VPS13A: variants seen among roughly 807,000 people sequenced by gnomAD.
VPS13A encodes the protein intermembrane lipid transfer protein VPS13A.
Under a neutral mutation model 390.9 loss-of-function variants are expected in VPS13A, and 264 were observed. The ratio of observed to expected loss-of-function variants is 0.68; its 90% CI spans 0.61 to 0.75. The LOEUF (loss-of-function observed/expected upper bound fraction) is 0.75, where lower values mean the gene tolerates loss of function less well. Among genes scored for constraint, VPS13A ranks in the 30% least tolerant of loss-of-function variants. The pLI, the probability that VPS13A is intolerant of heterozygous loss-of-function variation, is 0.00. For synonymous variants in VPS13A, 1,231 were observed against 1,227.1 expected, an observed-to-expected ratio of 1.00 and a Z score of -0.07; for missense variants, 3,409 against 3,733.9, an observed-to-expected ratio of 0.91 and a Z score of 2.27.
intron 68 of VPS13A, among the ~76,000 whole-genome samples, chr9:77,393,587 A>G (rs1323103101): frequency 6.6e-6 from 1 of 152,240 alleles, no homozygotes; most frequent in Non-Finnish European, 1.5e-5. Context: ...GGGCTGTAGA[A>G]TGGATGGTTG....
intron 1 of VPS13A, among the ~76,000 whole-genome samples, chr9:77,184,541 C>T (rs1824214258): frequency 6.6e-6 from 1 of 152,164 alleles, no homozygotes; most frequent in African/African-American, 2.4e-5. Context: ...ATCGCTTGAA[C>T]ATGGGAGGCG....
At chr9:77,370,856 G>T (rs531379174) in intron 65 of VPS13A, 34 bp from the exon 66 acceptor site, 1 of 1,611,918 alleles carries the variant, frequency 6.2e-7, no homozygotes, top group Non-Finnish European at 8.5e-7. Flanking sequence ...TCATAAAAAA[G>T]TATTGTAAAT....
rs1467345597 is a variant in VPS13A, at chr9:77,351,245, T to C, written c.7290-72T>C. The C allele has an allele frequency of 4.5e-6, 7 of 1,568,332 alleles. No individual in the cohort carries two copies. In the East Asian group the frequency reaches 9.2e-5, roughly 21 times the overall value. On this transcript the variant is annotated intron_variant, in intron 52 of 71. Transcript: ENST00000360280. ...CAGTGAACTAAGAATTAATGAAGTA[T>C]TATTTTAGTTTTTTTTTAATCTCTT...
Position 77,337,469 on chromosome 9 carries a change from A to C in VPS13A, c.6310A>C (p.Ile2104Leu), listed in dbSNP as rs745856036. 1 of 1,613,726 alleles carries C rather than the reference A, an allele frequency of 6.2e-7. No homozygotes were observed. The highest frequency in any genetic ancestry group is 1.3e-5 in the African/African-American group (1 of 75,048). ...YSEDGWDLPY[I>L]MHLWPPILLR... ...AGAAGATGGTTGGGATTTACCATAC[A>C]TAATGCATTTGTGGCCACCTATCCT... The change falls in exon 47 of 72, where the codon ATA becomes CTA. Residue 2104 changes from isoleucine (I) to leucine (L), a missense_variant. By Grantham distance (5) the Ile-to-Leu change is conservative. Around this residue, in one of 5 missense-constraint regions of VPS13A, gnomAD observed 2,717 missense variants for 2,917.4 expected, o/e 0.93. Coordinates refer to ENST00000360280, the MANE Select transcript of VPS13A (RefSeq NM_033305.3).
intron 23 of VPS13A, among the ~76,000 whole-genome samples, chr9:77,270,010 A>G (rs191667566): frequency 2.0e-5 from 3 of 152,334 alleles, no homozygotes; most frequent in Non-Finnish European, 4.4e-5. Flanking sequence ...CAAGTTAACG[A>G]TAGAGGTGGC....
At position 77,318,328 on chromosome 9, in the gene VPS13A, G is replaced by T; in HGVS notation, c.5050G>T (p.Ala1684Ser). The part of the protein sequence containing the change: ...TIPEETASST[A>S]HLWEKKDTKT... ...CCCAGAAGAAACGGCTTCTTCTACT[G>T]CACATTTATGGGAAAAGAAGGATAC... The change falls in exon 41 of 72, where the codon GCA (alanine) becomes TCA (serine). Residue 1684 changes from alanine to serine, a missense_variant. This residue lies in a region of VPS13A where 2,717 missense variants were observed against 2,917.4 expected (regional missense o/e 0.93). Transcript: ENST00000360280. The T allele has an allele frequency of 6.2e-7, 1 of 1,612,788 alleles. No individual in the cohort carries two copies. The highest frequency in any genetic ancestry group is 1.1e-5 in the South Asian group (1 of 90,798).
chr9:77,341,556 C>G (rs114120202), intron 50 of VPS13A, among the ~76,000 whole-genome samples: 2,190 of 152,008 alleles, frequency 0.014, 50 homozygotes, highest in African/African-American at 0.05. Flanking sequence ...TCCATTCTTC[C>G]GTTTTTTTCC....
chr9:77,289,546 A>G (rs1827527716), intron 31 of VPS13A, among the ~76,000 whole-genome samples: 1 of 152,188 alleles, frequency 6.6e-6, no homozygotes, highest in Non-Finnish European at 1.5e-5. Flanking sequence ...GAATCTTACA[A>G]TACCATGCTT....
chr9:77,216,315 G>A (rs1252631679), intron 10 of VPS13A, among the ~76,000 whole-genome samples: 1 of 152,160 alleles, frequency 6.6e-6, no homozygotes, highest in Non-Finnish European at 1.5e-5. Flanking sequence ...CTGTTGGAGA[G>A]CGAAGGGGGA....
intron 1 of VPS13A, among the ~76,000 whole-genome samples, chr9:77,195,930 A>G (rs566802192): frequency 6.6e-6 from 1 of 152,264 alleles, no homozygotes; most frequent in Admixed American, 6.5e-5. Flanking sequence ...TTTTAAACAT[A>G]AACAGTTACA....
chr9:77,305,191 G>A (rs1164558237), intron 34 of VPS13A, among the ~76,000 whole-genome samples: 3 of 151,982 alleles, frequency 2.0e-5, no homozygotes, highest in Non-Finnish European at 4.4e-5. Flanking sequence ...ACCCCCCTTG[G>A]CCTCCCAAAG....
intron 46 of VPS13A, among the ~76,000 whole-genome samples, chr9:77,333,850 T>A (rs1830406289): frequency 6.6e-6 from 1 of 152,212 alleles, no homozygotes; most frequent in South Asian, 2.1e-4. Context: ...CTGATTCTTT[T>A]ATTCATTTAA....
At chr9:77,280,274 A>C (rs758777233) in intron 27 of VPS13A, 36 bp downstream of exon 27, 1 of 1,504,662 alleles carries the variant, frequency 6.6e-7, no homozygotes, top group South Asian at 1.1e-5. Flanking sequence ...TAATATGGTA[A>C]GTATGCTGCT....
At chr9:77,376,630 A>G (rs1693632758) in intron 67 of VPS13A, among the ~76,000 whole-genome samples, 1 of 152,204 alleles carries the variant, frequency 6.6e-6, no homozygotes, top group South Asian at 2.1e-4. Flanking sequence ...TTTTTAGGGA[A>G]AGGGTATTAG....
rs540882247 is a variant in VPS13A at position 77,269,806 on chromosome 9, A to G, written c.2428-3474A>G. Among the ~76,000 whole-genome samples the G allele has an allele frequency of 7.2e-5, 11 of 152,328 alleles. No homozygotes were observed. In the South Asian group the frequency reaches 8.3e-4, roughly 11 times the overall value. On this transcript the variant is annotated intron_variant, in intron 23 of 71. Coordinates refer to ENST00000360280, the MANE Select transcript of VPS13A (RefSeq NM_033305.3). The stretch of plus-strand genomic sequence containing the variant: ...TTATATATTGAACCCTAATTCTGCT[A>G]TTTCACATTGTGACTGTATTTACAG...
chr9:77,240,424 C>A (rs1174005903), intron 19 of VPS13A, among the ~76,000 whole-genome samples: 1 of 148,682 alleles, frequency 6.7e-6, no homozygotes, highest in African/African-American at 2.5e-5. Flanking sequence ...TAAATATTTT[C>A]TCTTGTAAGA....
intron 71 of VPS13A, among the ~76,000 whole-genome samples, chr9:77,412,560 ACT>A (rs1319980001): frequency 6.6e-6 from 1 of 152,174 alleles, no homozygotes; most frequent in East Asian, 1.9e-4. Flanking sequence ...CATCCTAAAA[ACT>A]CTCAATAAAT....
intron 44 of VPS13A, among the ~76,000 whole-genome samples, chr9:77,322,537 G>C (rs2153461): frequency 0.56 from 85,394 of 151,366 alleles, 24,294 homozygotes; most frequent in East Asian, 0.69. Context: ...TAAATTTTAC[G>C]TCTTTTTTTT....
At position 77,418,368 on chromosome 9, in the gene VPS13A, C is replaced by G. The variant is rs1409215787; in HGVS notation, c.*2362C>G. On this transcript the variant is annotated 3_prime_UTR_variant, in exon 72 of 72. Coordinates refer to ENST00000360280, the MANE Select transcript of VPS13A (RefSeq NM_033305.3). ...CTGGTCTATGATAATTGTGTGAGGA[C>G]TAAGGCAGAGTGCCTGTTCCCTGCC... is the stretch of plus-strand genomic sequence containing the variant. The G allele has an allele frequency of 2.6e-5, 4 of 152,136 alleles. No homozygotes were observed. Among genetic ancestry groups the G allele is most frequent in the Non-Finnish European group, 5.9e-5 (4 of 68,028 alleles). The allele number at this position is 152,136 out of a possible 1,614,324, so 9.4% of individuals were successfully genotyped here.
Sources: allele counts gnomAD v4.1 joint callset (sites outside exome capture counted in the v4.1 genomes callset), GRCh38; gene constraint gnomAD v4.1.1; regional missense constraint gnomAD v4.1.1; transcripts MANE v1.5; gene names NCBI Gene and HGNC (gene_info 2026-07-23, HGNC 2026-07-21).